ATG16L2: variants seen among roughly 807,000 people sequenced by gnomAD.
The protein encoded by ATG16L2 is protein Atg16l2.
A neutral mutation model predicts 84.7 loss-of-function variants in ATG16L2; 77 were observed. That is an observed-to-expected ratio of 0.91 (90% CI 0.76 to 1.10). The LOEUF is 1.10. Ranked by LOEUF, ATG16L2 falls within the 50% of genes least tolerant of loss-of-function variation. The probability of loss-of-function intolerance (pLI) is 0.00; values close to 1 mark genes in which losing one functional copy is unlikely to be tolerated. For synonymous variants in ATG16L2, 361 were observed against 342.8 expected, an observed-to-expected ratio of 1.05 and a Z score of -0.59; for missense variants, 782 against 817.6, an observed-to-expected ratio of 0.96 and a Z score of 0.53.
intron 1 of ATG16L2, among the ~76,000 whole-genome samples, chr11:72,816,526 T>C (rs563995514): frequency 3.1e-4 from 47 of 152,288 alleles, no homozygotes; most frequent in African/African-American, 9.6e-4. Context: ...GGACCGGTGC[T>C]ATGAGGACAC....
At chr11:72,825,154 A>C (rs1209687548) in intron 9 of ATG16L2, 148 bp from the exon 10 acceptor site, 1 of 663,482 alleles carries the variant, frequency 1.5e-6, no homozygotes, top group African/African-American at 1.8e-5. Context: ...CCGGGTTTGA[A>C]ACTCAGAGTG....
chr11:72,818,641 T>C (rs1033041126), intron 3 of ATG16L2: 3 of 152,234 alleles, frequency 2.0e-5, no homozygotes, highest in Non-Finnish European at 4.4e-5. Context: ...CCTTCACAAC[T>C]TTATGGTTGT....
At chr11:72,815,046 A>T (rs1859627371) in intron 1 of ATG16L2, among the ~76,000 whole-genome samples, 1 of 152,212 alleles carries the variant, frequency 6.6e-6, no homozygotes, top group Non-Finnish European at 1.5e-5. Context: ...TGCCGCTGAC[A>T]GGCGACGCTG....
chr11:72,829,689 T>C, downstream of ATG16L2: 12 of 1,088,440 alleles, frequency 1.1e-5, no homozygotes, highest in Non-Finnish European at 1.4e-5. Flanking sequence ...TTTGGGCTAG[T>C]GGGCTCTGGA....
Position 72,826,158 on chromosome 11 carries a change from C to T in ATG16L2, c.1103-15C>T. ...AAGACCTCATTTCAACTGTCCCTTC[C>T]CCTGGTCCTCCCAGGTCGCCTGGAG... On this transcript the variant is annotated splice_polypyrimidine_tract_variant and intron_variant, in intron 10 of 17. Coordinates refer to ENST00000321297, the MANE Select transcript of ATG16L2 (RefSeq NM_033388.2). 2 of 1,609,858 alleles carry T rather than the reference C, an allele frequency of 1.2e-6. No individual in the cohort carries two copies. Among genetic ancestry groups the T allele is most frequent in the Non-Finnish European group, 1.7e-6 (2 of 1,177,242 alleles).
In ATG16L2 at chr11:72,817,723, G is replaced by C. The variant is rs761876318; in HGVS notation, c.219-33G>C. On this transcript the variant is annotated intron_variant, in intron 2 of 17. Transcript: ENST00000321297. ...GCCTTTGGGCACTTGGGTGAACCGG[G>C]GGACATTGAGCACCACTCTGATTGG... 9 of 1,608,290 alleles carry C rather than the reference G, an allele frequency of 5.6e-6. No homozygotes were observed. In the South Asian group the frequency reaches 8.8e-5, roughly 16 times the overall value.
At chr11:72,842,500 C>A in intron 5 of ATG16L2, 2 of 1,201,584 alleles carry the variant, frequency 1.7e-6, no homozygotes, top group Non-Finnish European at 2.3e-6. Context: ...CAGACACTGG[C>A]AACCAAGGAC....
chr11:72,823,847 G>A (rs1565266485), intron 7 of ATG16L2: 1 of 717,910 alleles, frequency 1.4e-6, no homozygotes, highest in East Asian at 2.6e-5. Flanking sequence ...GGGAGACCTT[G>A]GGAGACTTTC....
At chr11:72,837,584 G>C (rs1022133996) in intron 5 of ATG16L2, 1 of 152,216 alleles carries the variant, frequency 6.6e-6, no homozygotes, top group Non-Finnish European at 1.5e-5. Context: ...GGCACCTGCT[G>C]CTGCAGGCTT....
Position 72,822,098 on chromosome 11 carries a change from G to A in ATG16L2, c.447G>A (p.Gln149=). 6.5e-7 allele frequency: 1 copy of A among 1,539,446 alleles called. No individual in the cohort carries two copies. Among genetic ancestry groups the A allele is most frequent in the Non-Finnish European group, 8.7e-7 (1 of 1,153,832 alleles). ...VAQLREARAQ[Q]AQQVEEWRAQ... ...AGCTGCGAGAGGCGCGGGCGCAGCA[G>A]GCCCAGCAGGTGGAGGAGTGGCGGG... The change falls in exon 5 of 18, where the codon CAG becomes CAA. Residue 149 remains glutamine (Q), a synonymous_variant. Coordinates refer to ENST00000321297, the MANE Select transcript of ATG16L2 (RefSeq NM_033388.2). This position sits in a 1 kb window ranked among gnomAD's most constrained non-coding sequence, Gnocchi z 4.2.
At chr11:72,814,708 GC>G in intron 1 of ATG16L2, 145 bp downstream of exon 1, 1 of 578,616 alleles carries the variant, frequency 1.7e-6, no homozygotes, top group Non-Finnish European at 2.7e-6. Flanking sequence ...CATCCCGACT[GC>G]CAGGACTCCG....
chr11:72,825,439 T>G, intron 10 of ATG16L2, 32 bp downstream of exon 10: 1 of 1,563,308 alleles, frequency 6.4e-7, no homozygotes, highest in Non-Finnish European at 8.8e-7. Flanking sequence ...GCCAACTTGG[T>G]GCTTCTCTCC....
chr11:72,825,239 C>G (rs999003561), intron 9 of ATG16L2, 63 bp from the exon 10 acceptor site: 1 of 1,312,496 alleles, frequency 7.6e-7, no homozygotes. Context: ...TAAGAGGGCC[C>G]GTGAGCACTC....
At chr11:72,824,623 C>T (rs573135338) in intron 8 of ATG16L2, 111 bp from the exon 9 acceptor site, 2 of 805,508 alleles carry the variant, frequency 2.5e-6, no homozygotes, top group Non-Finnish European at 2.2e-6. Context: ...GGGCCATGTT[C>T]TGCCGCCTGC....
At chr11:72,837,662 G>A (rs1860771644) in intron 5 of ATG16L2, 1 of 152,198 alleles carries the variant, frequency 6.6e-6, no homozygotes, top group South Asian at 2.1e-4. Context: ...TCTTTTCCTG[G>A]TCAATCTGTA....
At chr11:72,819,919 G>A (rs982108367) in intron 3 of ATG16L2, among the ~76,000 whole-genome samples, 10 of 151,962 alleles carry the variant, frequency 6.6e-5, no homozygotes, top group African/African-American at 2.4e-4. Flanking sequence ...CTAATTTTTT[G>A]TATTTTTAGT....
chr11:72,822,762 A>G lies in ATG16L2; in HGVS notation c.711-86A>G, dbSNP rs1370622451. Reference sequence around the variant, plus strand: ...CCACACAGAACCCTCATCACTGGGAATTCCTGTCTTCAGCGTATCCTGTGC... The same window carrying G: ...CCACACAGAACCCTCATCACTGGGAGTTCCTGTCTTCAGCGTATCCTGTGC... On this transcript the variant is annotated intron_variant, in intron 6 of 17. Coordinates refer to ENST00000321297, the MANE Select transcript of ATG16L2 (RefSeq NM_033388.2). The surrounding 1 kb of genome is among the most constrained non-coding windows in gnomAD (Gnocchi z 4.2). The G allele has an allele frequency of 1.9e-5, 22 of 1,147,300 alleles. No individual in the cohort carries two copies. The highest frequency in any genetic ancestry group is 4.0e-4 in the Middle Eastern group (2 of 5,026). 71.1% of individuals were successfully genotyped at this position (1,147,300 alleles called of 1,614,324 possible).
At chr11:72,817,631 G>A (rs949010473) in intron 2 of ATG16L2, 125 bp from the exon 3 acceptor site, 1 of 859,154 alleles carries the variant, frequency 1.2e-6, no homozygotes, top group East Asian at 2.6e-5. Flanking sequence ...TGGCTTGCTG[G>A]CTTCCATCTT....
chr11:72,824,046 T>C lies in ATG16L2; in HGVS notation c.825-14T>C, dbSNP rs758316776. 1.6e-5 allele frequency: 26 copies of C among 1,614,062 alleles called. No individual in the cohort carries two copies. The highest frequency in any genetic ancestry group is 2.1e-5 in the Non-Finnish European group (25 of 1,180,008). On this transcript the variant is annotated splice_polypyrimidine_tract_variant and intron_variant, in intron 7 of 17. Transcript: ENST00000321297. ...AGCCAGTCCCTTAGCATATCTCTCT[T>C]GGTTTTGTCTCAGGTCTGCCTCAGC...
Sources: gnomAD v4.1 joint callset for allele counts (sites outside exome capture counted in the v4.1 genomes callset) on GRCh38, gnomAD v4.1.1 for gene constraint, Gnocchi (gnomAD v3.1) non-coding constraint, MANE v1.5 for transcripts, NCBI Gene and HGNC (gene_info 2026-07-23, HGNC 2026-07-21) for gene names.